The following TANC2 variants were observed in gnomAD, a reference collection of about 807,000 sequenced individuals.
TANC2 encodes the protein tetratricopeptide repeat, ankyrin repeat and coiled-coil containing 2, also known as protein TANC2.
TANC2 carries 26 observed loss-of-function variants against 210.5 expected under a neutral mutation model. That is an observed-to-expected ratio of 0.12 (90% CI 0.09 to 0.17). The LOEUF is 0.17. TANC2 is among the 10% of genes least tolerant of loss of function. The pLI is 1.00. For synonymous variants in TANC2, 931 were observed against 967.1 expected, an observed-to-expected ratio of 0.96 and a Z score of 0.69; for missense variants, 2,129 against 2,608.9, an observed-to-expected ratio of 0.82 and a Z score of 4.01.
intron 9 of TANC2, among the ~76,000 whole-genome samples, chr17:63,271,485 A>G (rs2043705072): frequency 6.6e-6 from 1 of 150,392 alleles, no homozygotes; most frequent in African/African-American, 2.5e-5. Flanking sequence ...ACATGTGCAG[A>G]ACATGCAGGT....
intron 4 of TANC2, among the ~76,000 whole-genome samples, chr17:63,146,978 GCAACAACAACAA>G (rs564752153): frequency 6.6e-6 from 1 of 151,584 alleles, no homozygotes; most frequent in Admixed American, 6.6e-5. Flanking sequence ...TTAAAAAACA[GCAACAACAACAA>G]CAACAACAAC....
chr17:63,316,359 A>G (rs898853821), intron 10 of TANC2, among the ~76,000 whole-genome samples: 5 of 152,200 alleles, frequency 3.3e-5, no homozygotes, highest in Admixed American at 3.3e-4. Context: ...TGGTAGAATC[A>G]TGCATGACAG....
intron 9 of TANC2, among the ~76,000 whole-genome samples, chr17:63,268,333 C>A (rs761684563): frequency 6.6e-6 from 1 of 152,166 alleles, no homozygotes; most frequent in Non-Finnish European, 1.5e-5. Flanking sequence ...CAACATGACA[C>A]CACAAGTGGA....
At chr17:63,313,009 G>A (rs577604493) in intron 9 of TANC2, among the ~76,000 whole-genome samples, 2 of 152,278 alleles carry the variant, frequency 1.3e-5, no homozygotes, top group African/African-American at 2.4e-5. Context: ...ATGTGTGCGT[G>A]TGTCTGTGTT....
intron 4 of TANC2, among the ~76,000 whole-genome samples, chr17:63,147,228 G>A (rs1197676802): frequency 6.6e-6 from 1 of 151,876 alleles, no homozygotes; most frequent in East Asian, 1.9e-4. Context: ...CTGTGGTCCC[G>A]ACTACTCGGA....
chr17:63,206,331 C>G (rs1227198087), intron 7 of TANC2, among the ~76,000 whole-genome samples: 1 of 152,082 alleles, frequency 6.6e-6, no homozygotes, highest in Non-Finnish European at 1.5e-5. Context: ...GCCATATGAT[C>G]CGGCAATTTC....
At chr17:63,075,892 G>A (rs1164265532) in intron 3 of TANC2, among the ~76,000 whole-genome samples, 1 of 152,156 alleles carries the variant, frequency 6.6e-6, no homozygotes, top group African/African-American at 2.4e-5. Flanking sequence ...TAAAAGATGG[G>A]ATGAGTATAA....
chr17:63,399,007 C>A, intron 19 of TANC2, 93 bp downstream of exon 19: 1 of 903,388 alleles, frequency 1.1e-6, no homozygotes, highest in African/African-American at 1.7e-5. Flanking sequence ...ATACATTTGG[C>A]AGTCTTCTGT....
intron 1 of TANC2, among the ~76,000 whole-genome samples, chr17:63,001,567 T>C (rs1475131828): frequency 5.3e-5 from 8 of 151,446 alleles, no homozygotes; most frequent in Non-Finnish European, 1.2e-4. Flanking sequence ...CTTTTTTTTT[T>C]TCCAAGATGG....
chr17:62,975,875 T>C (rs2031973724), intron 1 of TANC2, among the ~76,000 whole-genome samples: 1 of 152,146 alleles, frequency 6.6e-6, no homozygotes, highest in African/African-American at 2.4e-5. Flanking sequence ...TATTAGCCTG[T>C]GGAAAGTATC....
At chr17:63,139,899 A>C (rs772537126) in intron 4 of TANC2, among the ~76,000 whole-genome samples, 26 of 152,300 alleles carry the variant, frequency 1.7e-4, no homozygotes, top group Non-Finnish European at 2.9e-4. Flanking sequence ...GCAAGACCCT[A>C]TCTCAAGAAA....
chr17:63,370,256 G>A (rs1046259838), intron 14 of TANC2, among the ~76,000 whole-genome samples: 1 of 146,746 alleles, frequency 6.8e-6, no homozygotes, highest in Admixed American at 6.9e-5. Context: ...TCGGCTCACT[G>A]CAACTTCCGC....
At chr17:63,385,953 T>C (rs1006271089) in intron 15 of TANC2, among the ~76,000 whole-genome samples, 2 of 152,186 alleles carry the variant, frequency 1.3e-5, no homozygotes, top group Non-Finnish European at 2.9e-5. Context: ...GCTCTTAGGA[T>C]AGAATGGAAC....
rs373656642 is a variant in TANC2, at chr17:63,415,707, A to G, written c.4167+33A>G. Reference sequence around the variant, plus strand: ...CCTGTCACCCCAACTCCTTTCTGCAATCCTGGTAGCTGATAGCCTGTGTCA... The same window carrying G: ...CCTGTCACCCCAACTCCTTTCTGCAGTCCTGGTAGCTGATAGCCTGTGTCA... On this transcript the variant is annotated intron_variant, in intron 26 of 27. Coordinates refer to ENST00000689528, the Ensembl canonical transcript of TANC2. 5.6e-6 allele frequency: 9 copies of G among 1,603,952 alleles called. No homozygotes were observed. The African/African-American group carries it at 9.4e-5, about 17-fold the overall frequency.
intron 4 of TANC2, among the ~76,000 whole-genome samples, chr17:63,109,867 C>G (rs954314669): frequency 5.9e-5 from 9 of 151,790 alleles, no homozygotes; most frequent in African/African-American, 2.2e-4. Context: ...AGTCCTAGTT[C>G]TGCCTTGTAG....
intron 15 of TANC2, among the ~76,000 whole-genome samples, chr17:63,380,582 T>C (rs1016813246): frequency 6.6e-6 from 1 of 152,252 alleles, no homozygotes; most frequent in Admixed American, 6.5e-5. Flanking sequence ...ACTGTGCTAA[T>C]TTTTCTGTCC....
chr17:63,247,817 T>G (rs1005372045), intron 8 of TANC2, among the ~76,000 whole-genome samples: 1 of 152,068 alleles, frequency 6.6e-6, no homozygotes, highest in Admixed American at 6.6e-5. Context: ...TTCTTGTCAG[T>G]GTTGAACATA....
At chr17:63,211,706 CTG>C (rs1312945716) in intron 7 of TANC2, among the ~76,000 whole-genome samples, 1 of 152,068 alleles carries the variant, frequency 6.6e-6, no homozygotes, top group Non-Finnish European at 1.5e-5. Flanking sequence ...CCCCCATTGA[CTG>C]TTAATTTCTT....
intron 9 of TANC2, among the ~76,000 whole-genome samples, chr17:63,293,617 T>C (rs2044445599): frequency 6.6e-6 from 1 of 152,108 alleles, no homozygotes; most frequent in African/African-American, 2.4e-5. Context: ...CCCCTTCCCC[T>C]CTTTTCCCTA....
Sources: allele counts gnomAD v4.1 joint callset (sites outside exome capture counted in the v4.1 genomes callset), GRCh38; gene constraint gnomAD v4.1.1; transcripts MANE v1.5; gene names NCBI Gene and HGNC (gene_info 2026-07-23, HGNC 2026-07-21).